Variants in NAV1 observed in about 807,000 individuals in gnomAD.
NAV1 encodes neuron navigator 1.
In NAV1, 18 loss-of-function variants were observed where a neutral mutation model predicts 175.2. That is an observed-to-expected ratio of 0.10 (90% confidence interval 0.07 to 0.15). The LOEUF (loss-of-function observed/expected upper bound fraction) is 0.15, where lower values mean the gene tolerates loss of function less well. Ranked by LOEUF, NAV1 falls within the 10% of genes least tolerant of loss-of-function variation. The pLI, the probability that NAV1 is intolerant of heterozygous loss-of-function variation, is 1.00. For synonymous variants in NAV1, 897 were observed against 978.7 expected (o/e 0.92, Z 1.56); for missense variants, 1,731 against 2,436.6 (o/e 0.71, Z 6.10).
rs369105868 is a variant in NAV1 at position 201,803,608 on chromosome 1, G to T, written c.3533G>T (p.Arg1178Ile). 87 of 1,613,372 alleles carry T rather than the reference G, an allele frequency of 5.4e-5. No individual in the cohort carries two copies. The highest frequency in any genetic ancestry group is 6.7e-5 in the Non-Finnish European group (79 of 1,179,680). Reference sequence around the variant, plus strand: ...TTGGCCCTAGAACTTCGGATCAAGAGACAAAACTCCTCAGATAGCATCTCA... The same window carrying T: ...TTGGCCCTAGAACTTCGGATCAAGATACAAAACTCCTCAGATAGCATCTCA... The change falls in exon 16 of 30, where the codon AGA (arginine) becomes ATA (isoleucine). Residue 1178 changes from arginine (R) to isoleucine (I), a missense_variant. Physicochemically the swap from Arg to Ile is moderately conservative, Grantham distance 97 (BLOSUM62 -3). Coordinates refer to ENST00000367296, the Ensembl canonical transcript of NAV1.
At chr1:201,670,920 G>T (rs1281401715) in intron 1 of NAV1, among the ~76,000 whole-genome samples, 2 of 152,206 alleles carry the variant, frequency 1.3e-5, no homozygotes, top group South Asian at 2.1e-4. Flanking sequence ...TGGCAGCAAT[G>T]ATGGTGGTAG....
At chr1:201,773,165 C>T (rs1675708158) in intron 3 of NAV1, among the ~76,000 whole-genome samples, 1 of 152,094 alleles carries the variant, frequency 6.6e-6, no homozygotes, top group Non-Finnish European at 1.5e-5. Flanking sequence ...AATCACTATA[C>T]TACATTAATG....
chr1:201,729,903 TA>T (rs955523732), intron 3 of NAV1, among the ~76,000 whole-genome samples: 201 of 150,140 alleles, frequency 1.3e-3, no homozygotes, highest in African/African-American at 4.3e-3. Flanking sequence ...AAAACTGTCT[TA>T]AAAAAAAAAT....
At chr1:201,690,684 C>T (rs1392596148) in intron 1 of NAV1, among the ~76,000 whole-genome samples, 1 of 143,134 alleles carries the variant, frequency 7.0e-6, no homozygotes, top group African/African-American at 2.6e-5. Context: ...GTGGCCTGTC[C>T]GTGGCAGTGT....
At position 201,601,609 on chromosome 1, in the gene NAV1, ACT is replaced by A. The variant is rs201189278; in HGVS notation, c.-33+12963_-33+12964del. ...CCCTTATAAAAGAGACCTTAGAGAGACTCTTCACTCTTTCCAACGTGTGAGGA... is the reference window on the plus strand; with the variant it reads ...CCCTTATAAAAGAGACCTTAGAGAGACTTCACTCTTTCCAACGTGTGAGGA... On this transcript the variant is annotated intron_variant, in intron 2 of 33. Coordinates refer to the NAV1 transcript ENST00000685211. 5.6e-3 allele frequency among the ~76,000 whole-genome samples: 850 copies of A among 151,844 alleles called. 6 individuals carry two copies. The highest frequency in any genetic ancestry group is 0.019 in the African/African-American group (767 of 41,406).
intron 2 of NAV1, among the ~76,000 whole-genome samples, chr1:201,604,940 A>C (rs926904967): frequency 2.0e-5 from 3 of 151,996 alleles, no homozygotes; most frequent in Admixed American, 2.0e-4. Context: ...TTCTTGCAGA[A>C]TTTTTCTGCC....
chr1:201,567,310 G>C (rs1259255038), intron 1 of NAV1, among the ~76,000 whole-genome samples: 2 of 152,236 alleles, frequency 1.3e-5, no homozygotes, highest in African/African-American at 2.4e-5. Flanking sequence ...TGATGGGGCT[G>C]TCCACAGGTA....
chr1:201,814,086 A>G (rs1183916887), intron 28 of NAV1, among the ~76,000 whole-genome samples: 1 of 151,596 alleles, frequency 6.6e-6, no homozygotes, highest in Non-Finnish European at 1.5e-5. Context: ...ACAAACAAAA[A>G]AACTTAAAAT....
intron 17 of NAV1, 135 bp downstream of exon 21, chr1:201,804,632 C>A (rs1678165849): frequency 2.4e-6 from 2 of 818,962 alleles, no homozygotes; most frequent in Non-Finnish European, 1.9e-6. Flanking sequence ...CTAACTGTAA[C>A]AACCACCCAG....
At chr1:201,660,199 G>A (rs1669557162) in intron 1 of NAV1, among the ~76,000 whole-genome samples, 1 of 152,228 alleles carries the variant, frequency 6.6e-6, no homozygotes, top group African/African-American at 2.4e-5. Flanking sequence ...CCTATTTGGG[G>A]TGGGGGAGCA....
chr1:201,574,126 C>T lies in NAV1; in HGVS notation c.-143-14413C>T, dbSNP rs1476229642. On this transcript the variant is annotated intron_variant, in intron 1 of 33. Coordinates refer to the NAV1 transcript ENST00000685211. Reference sequence around the variant, plus strand: ...TCTATTTATAAGCATTTACTGAGCACTCTTCAGTGTAGAGGACTGGGCTGG... The same window carrying T: ...TCTATTTATAAGCATTTACTGAGCATTCTTCAGTGTAGAGGACTGGGCTGG... Among the ~76,000 whole-genome samples, 5 of 152,070 alleles carry T rather than the reference C, an allele frequency of 3.3e-5. No individual in the cohort carries two copies. The East Asian group carries it at 5.8e-4, about 18-fold the overall frequency.
intron 2 of NAV1, among the ~76,000 whole-genome samples, chr1:201,641,161 C>G (rs1668742324): frequency 6.6e-6 from 1 of 152,156 alleles, no homozygotes; most frequent in African/African-American, 2.4e-5. Flanking sequence ...TGTCCAGGCC[C>G]AAATCCTTGG....
At chr1:201,706,636 T>C (rs1403188648) in intron 1 of NAV1, among the ~76,000 whole-genome samples, 1 of 152,192 alleles carries the variant, frequency 6.6e-6, no homozygotes, top group Admixed American at 6.5e-5. Context: ...AAACATTCTT[T>C]CTTTGGCTCA....
At chr1:201,725,148 G>A (rs926646423) in intron 3 of NAV1, among the ~76,000 whole-genome samples, 3 of 152,296 alleles carry the variant, frequency 2.0e-5, no homozygotes, top group Non-Finnish European at 2.9e-5. Flanking sequence ...CACCCTCATC[G>A]ATAAGAATTC....
At chr1:201,616,110 T>C (rs1667995959) in intron 2 of NAV1, among the ~76,000 whole-genome samples, 1 of 152,182 alleles carries the variant, frequency 6.6e-6, no homozygotes, top group Non-Finnish European at 1.5e-5. Context: ...TTAACTAACT[T>C]ACTCTTCACA....
intron 2 of NAV1, among the ~76,000 whole-genome samples, chr1:201,599,164 G>A (rs1667448953): frequency 6.6e-6 from 1 of 152,188 alleles, no homozygotes; most frequent in African/African-American, 2.4e-5. Flanking sequence ...ACCCTGCAAG[G>A]AGAACCCTCT....
At chr1:201,804,340 C>G (rs1483783126) in intron 16 of NAV1, 149 bp from the exon 21 acceptor site, 20 of 744,758 alleles carry the variant, frequency 2.7e-5, no homozygotes, top group Non-Finnish European at 4.1e-5. Flanking sequence ...GTGGACACGT[C>G]CTGCTCCTCT....
At chr1:201,762,751 T>C (rs1033260565) in intron 3 of NAV1, among the ~76,000 whole-genome samples, 1 of 152,238 alleles carries the variant, frequency 6.6e-6, no homozygotes, top group Non-Finnish European at 1.5e-5. Flanking sequence ...TATCTCTTAC[T>C]TCCTTATTGG....
rs1271502982 is a variant in NAV1, at chr1:201,811,994, A to G, written c.5024+20A>G. On this transcript the variant is annotated intron_variant, in intron 26 of 29. Coordinates refer to ENST00000367296, the Ensembl canonical transcript of NAV1. ...CTTCAGGTAAGACCTCTAGCTCTGG[A>G]TGAACCTTCTGACCCTACCCAAGAG... 1.2e-6 allele frequency: 2 copies of G among 1,611,402 alleles called. No homozygotes were observed. The highest frequency in any genetic ancestry group is 1.7e-6 in the Non-Finnish European group (2 of 1,177,488).
Sources: gnomAD v4.1 joint callset for allele counts (sites outside exome capture counted in the v4.1 genomes callset) on GRCh38, gnomAD v4.1.1 for gene constraint, MANE v1.5 for transcripts, NCBI Gene and HGNC (gene_info 2026-07-23, HGNC 2026-07-21) for gene names.